SLC28A2: variants seen among roughly 807,000 people sequenced by gnomAD.
SLC28A2 encodes solute carrier family 28 member 2.
Under a neutral mutation model 72.9 loss-of-function variants are expected in SLC28A2, and 69 were observed. The ratio of observed to expected loss-of-function variants is 0.95; its 90% CI spans 0.78 to 1.16. The LOEUF (loss-of-function observed/expected upper bound fraction) is 1.16, where lower values mean the gene tolerates loss of function less well. Ranked by LOEUF, SLC28A2 falls within the 50% of genes most tolerant of loss-of-function variation. SLC28A2 has a pLI of 0.00. For missense variants in SLC28A2, 745 were observed against 791.1 expected (o/e 0.94, Z 0.70); for synonymous variants, 296 against 294.1 (o/e 1.01, Z -0.07).
At chr15:45,272,434 G>A in intron 16 of SLC28A2, 41 bp downstream of exon 16, 1 of 1,462,808 alleles carries the variant, frequency 6.8e-7, no homozygotes. Context: ...CTGCATGAGG[G>A]TGATGGTTGG....
chr15:45,258,582 A>G (rs1039975584), intron 3 of SLC28A2, among the ~76,000 whole-genome samples: 1 of 152,188 alleles, frequency 6.6e-6, no homozygotes, highest in Non-Finnish European at 1.5e-5. Context: ...AGTCTAATTT[A>G]TACTTTAAAT....
Position 45,253,180 on chromosome 15 carries a change from GC to G in SLC28A2, c.-16-17del, listed in dbSNP as rs17215668. The G allele has an allele frequency of 0.58, 868,785 of 1,501,898 alleles. 268,111 individuals carry two copies. The highest frequency in any genetic ancestry group is 0.65 in the Non-Finnish European group (698,743 of 1,080,178). 93.0% of individuals were successfully genotyped at this position (1,501,898 alleles called of 1,614,324 possible). ...CAGAATGACCAATCTTTCAGGCTTGGCCCTGAATTTGTTTTTCAGTTGAGGA... is the reference window on the plus strand; with the variant it reads ...CAGAATGACCAATCTTTCAGGCTTGGCCTGAATTTGTTTTTCAGTTGAGGA... On this transcript the variant is annotated intron_variant, in intron 1 of 17. Coordinates refer to ENST00000347644, the MANE Select transcript of SLC28A2 (RefSeq NM_004212.4).
chr15:45,263,702 G>A (rs1189945707), intron 5 of SLC28A2, among the ~76,000 whole-genome samples, 179 bp from the exon 6 acceptor site: 1 of 152,198 alleles, frequency 6.6e-6, no homozygotes, highest in Non-Finnish European at 1.5e-5. Context: ...AGTTTAAAGA[G>A]AAAACTTACA....
At chr15:45,256,269 A>C (rs1440328184) in intron 3 of SLC28A2, among the ~76,000 whole-genome samples, 1 of 152,172 alleles carries the variant, frequency 6.6e-6, no homozygotes, top group Non-Finnish European at 1.5e-5. Context: ...TGCTGGGCCC[A>C]AACAATCCTC....
intron 17 of SLC28A2, among the ~76,000 whole-genome samples, chr15:45,273,452 G>A (rs1425943330): frequency 1.3e-5 from 2 of 152,178 alleles, no homozygotes; most frequent in Non-Finnish European, 1.5e-5. Flanking sequence ...GAACTAGAAT[G>A]TTTGGTGCCT....
intron 17 of SLC28A2, among the ~76,000 whole-genome samples, chr15:45,273,884 AGAG>A (rs1209888244): frequency 6.6e-6 from 1 of 152,154 alleles, no homozygotes; most frequent in Non-Finnish European, 1.5e-5. Context: ...CATTCACAGA[AGAG>A]GAGGACTAGT....
intron 15 of SLC28A2, among the ~76,000 whole-genome samples, chr15:45,270,856 T>C (rs891721436): frequency 2.6e-5 from 4 of 152,146 alleles, no homozygotes; most frequent in African/African-American, 9.7e-5. Context: ...CAAGCTGGTC[T>C]TGAATTCCTG....
Position 45,267,714 on chromosome 15 carries a change from G to C in SLC28A2, c.1117G>C (p.Ala373Pro). 6.2e-7 allele frequency: 1 copy of C among 1,614,098 alleles called. No individual in the cohort carries two copies. Among genetic ancestry groups the C allele is most frequent in the Non-Finnish European group, 8.5e-7 (1 of 1,180,010 alleles). The change falls in exon 12 of 18, where the codon GCT becomes CCT. Residue 373 changes from alanine (A) to proline (P), a missense_variant. Transcript: ENST00000347644. ...TGCCTCTGTGATGGCCGCCCCTTGT[G>C]CTCTCGCCTCATCAAAGCTAGCGTA... is the stretch of plus-strand genomic sequence containing the variant. ...ISASVMAAPC[A>P]LASSKLAYPE...
chr15:45,271,577 A>AAAGGAGGGAAGGAAGGAAGG (rs1555431978), intron 15 of SLC28A2, among the ~76,000 whole-genome samples: 4 of 130,278 alleles, frequency 3.1e-5, no homozygotes, highest in African/African-American at 1.3e-4. Context: ...AAAAAGAAGA[A>AAAGGAGGGAAGGAAGGAAGG]AAGGAAGGAA....
chr15:45,264,145 A>C (rs1900251285), intron 6 of SLC28A2, 123 bp downstream of exon 6: 2 of 913,922 alleles, frequency 2.2e-6, no homozygotes, highest in Non-Finnish European at 3.1e-6. Context: ...CAACCCCTAG[A>C]ATTTGCCTCT....
intron 15 of SLC28A2, among the ~76,000 whole-genome samples, chr15:45,271,594 A>AAGGAAGGG (rs1900573749): frequency 6.6e-6 from 1 of 150,436 alleles, no homozygotes; most frequent in Non-Finnish European, 1.5e-5. Context: ...GGAAGGAAGG[A>AAGGAAGGG]AGGAAGGAAG....
chr15:45,258,482 T>C (rs754997869), intron 3 of SLC28A2, among the ~76,000 whole-genome samples: 1 of 152,216 alleles, frequency 6.6e-6, no homozygotes, highest in Non-Finnish European at 1.5e-5. Context: ...CATTTTATGT[T>C]TCCTTTCAGT....
At chr15:45,254,001 C>G (rs1899893935) in intron 3 of SLC28A2, 1 of 153,656 alleles carries the variant, frequency 6.5e-6, no homozygotes, top group Non-Finnish European at 1.4e-5. Context: ...TCTTAGAAGT[C>G]AAAAGAGAAG....
chr15:45,266,575 G>C (rs1900343846), intron 10 of SLC28A2, among the ~76,000 whole-genome samples: 1 of 152,166 alleles, frequency 6.6e-6, no homozygotes. Flanking sequence ...CTAACGCCCA[G>C]GCTCTTCCCC....
At chr15:45,257,060 C>G (rs529179998) in intron 3 of SLC28A2, among the ~76,000 whole-genome samples, 1 of 152,358 alleles carries the variant, frequency 6.6e-6, no homozygotes, top group South Asian at 2.1e-4. Context: ...TGAAAGTCAA[C>G]TATCAACTGT....
intron 14 of SLC28A2, 68 bp from the exon 15 acceptor site, chr15:45,270,127 C>A (rs1900499942): frequency 1.9e-6 from 2 of 1,066,040 alleles, no homozygotes; most frequent in African/African-American, 1.6e-5. Flanking sequence ...TCTGGAACTT[C>A]TATTGTGATT....
chr15:45,274,324 C>T (rs1900682482), intron 17 of SLC28A2, among the ~76,000 whole-genome samples: 1 of 152,020 alleles, frequency 6.6e-6, no homozygotes, highest in Non-Finnish European at 1.5e-5. Context: ...CATGGCGAAA[C>T]CCCATCTCTA....
At chr15:45,271,318 C>T (rs1348115218) in intron 15 of SLC28A2, among the ~76,000 whole-genome samples, 1 of 152,168 alleles carries the variant, frequency 6.6e-6, no homozygotes, top group East Asian at 1.9e-4. Flanking sequence ...GTAATCCCAA[C>T]ACTTTGGGCC....
chr15:45,274,006 G>C (rs964657681), intron 17 of SLC28A2, among the ~76,000 whole-genome samples: 2 of 152,148 alleles, frequency 1.3e-5, no homozygotes, highest in Admixed American at 1.3e-4. Context: ...GCTCAGGCTT[G>C]TCTTGAACTC....
Sources: gnomAD v4.1 joint callset for allele counts (sites outside exome capture counted in the v4.1 genomes callset) on GRCh38, gnomAD v4.1.1 for gene constraint, MANE v1.5 for transcripts, NCBI Gene and HGNC (gene_info 2026-07-23, HGNC 2026-07-21) for gene names.